Variants in CNTNAP2 observed in about 807,000 individuals in gnomAD.
The protein encoded by CNTNAP2 is contactin associated protein 2.
Under a neutral mutation model 155.2 loss-of-function variants are expected in CNTNAP2, and 98 were observed. The ratio of observed to expected loss-of-function variants is 0.63; its 90% CI spans 0.54 to 0.75. CNTNAP2 has a LOEUF of 0.75. Among genes scored for constraint, CNTNAP2 ranks in the 30% least tolerant of loss-of-function variants. CNTNAP2 has a pLI of 0.00. For missense variants in CNTNAP2, 1,727 were observed against 1,688.1 expected, an observed-to-expected ratio of 1.02 and a Z score of -0.40; for synonymous variants, 651 against 631.2, an observed-to-expected ratio of 1.03 and a Z score of -0.47.
intron 1 of CNTNAP2, among the ~76,000 whole-genome samples, chr7:146,164,834 TC>T (rs1411879949): frequency 1.3e-5 from 2 of 152,214 alleles, no homozygotes; most frequent in Non-Finnish European, 2.9e-5. Flanking sequence ...TGTTTAGATC[TC>T]ATCTTTCTGG....
intron 15 of CNTNAP2, among the ~76,000 whole-genome samples, chr7:148,030,079 G>A (rs1306504451): frequency 1.3e-5 from 2 of 152,304 alleles, no homozygotes; most frequent in South Asian, 2.1e-4. Context: ...CAGGAAAATA[G>A]CATCTTCCAA....
At chr7:148,278,555 G>C (rs1297104828) in intron 21 of CNTNAP2, among the ~76,000 whole-genome samples, 1 of 120,990 alleles carries the variant, frequency 8.3e-6, no homozygotes, top group Non-Finnish European at 1.6e-5. Context: ...GGGCAACAGA[G>C]TGAGACTACA....
chr7:147,322,309 G>A (rs1413454353), intron 9 of CNTNAP2, among the ~76,000 whole-genome samples: 2 of 152,194 alleles, frequency 1.3e-5, no homozygotes, highest in African/African-American at 4.8e-5. Context: ...AGGGGGGAAA[G>A]TAATTATTGA....
chr7:147,673,857 C>T (rs1795826836), intron 13 of CNTNAP2, among the ~76,000 whole-genome samples: 1 of 152,126 alleles, frequency 6.6e-6, no homozygotes, highest in African/African-American at 2.4e-5. Flanking sequence ...ACCTATACTT[C>T]TTTATATCTT....
At chr7:147,866,758 T>TG (rs1276909714) in intron 13 of CNTNAP2, among the ~76,000 whole-genome samples, 3 of 88,114 alleles carry the variant, frequency 3.4e-5, no homozygotes, top group Non-Finnish European at 5.0e-5. Context: ...CTGTTTTTTT[T>TG]TTGTTTTTTG....
At chr7:147,891,207 ATTT>A (rs141774201) in intron 13 of CNTNAP2, among the ~76,000 whole-genome samples, 4 of 146,312 alleles carry the variant, frequency 2.7e-5, no homozygotes, top group Non-Finnish European at 4.5e-5. Flanking sequence ...CAACAAATAG[ATTT>A]TTTTTTTTTT....
At chr7:147,151,364 TG>T (rs1216984627) in intron 8 of CNTNAP2, among the ~76,000 whole-genome samples, 1 of 152,098 alleles carries the variant, frequency 6.6e-6, no homozygotes, top group African/African-American at 2.4e-5. Flanking sequence ...TCTTTTGTAA[TG>T]TTAGGCTGTG....
At chr7:147,828,118 A>T (rs1431038311) in intron 13 of CNTNAP2, among the ~76,000 whole-genome samples, 1 of 152,214 alleles carries the variant, frequency 6.6e-6, no homozygotes, top group Non-Finnish European at 1.5e-5. Flanking sequence ...GGGTGAATGT[A>T]GTATACTTAT....
At position 148,415,925 on chromosome 7, in the gene CNTNAP2, G is replaced by A. The variant is rs1799977618; in HGVS notation, c.*309G>A. 1 of 420,866 alleles carries A rather than the reference G, an allele frequency of 2.4e-6. No individual in the cohort carries two copies. The highest frequency in any genetic ancestry group is 4.2e-6 in the Non-Finnish European group (1 of 236,246). The allele number at this position is 420,866 out of a possible 1,614,324, so 26.1% of individuals were successfully genotyped here. A position where few individuals can be genotyped will look rare whatever the true frequency, so the allele number is the denominator to read the frequency against. On this transcript the variant is annotated 3_prime_UTR_variant, in exon 24 of 24. Coordinates refer to ENST00000361727, the MANE Select transcript of CNTNAP2 (RefSeq NM_014141.6). Reference sequence around the variant, plus strand: ...TGTCTTATTTTGTGTGTGTTTAGAGGTGTTCTAAAGACCCGTGGTAACAGG... The same window carrying A: ...TGTCTTATTTTGTGTGTGTTTAGAGATGTTCTAAAGACCCGTGGTAACAGG...
intron 11 of CNTNAP2, among the ~76,000 whole-genome samples, chr7:147,538,142 A>G (rs1428430307): frequency 6.6e-6 from 1 of 152,226 alleles, no homozygotes; most frequent in East Asian, 1.9e-4. Flanking sequence ...AAGACAGAAG[A>G]AACTAAACGT....
intron 21 of CNTNAP2, among the ~76,000 whole-genome samples, chr7:148,269,461 TCA>T (rs1796736118): frequency 6.6e-6 from 1 of 152,188 alleles, no homozygotes; most frequent in African/African-American, 2.4e-5. Flanking sequence ...CTTTGTGACA[TCA>T]CATGTTACAC....
At chr7:146,986,894 GT>G (rs942453350) in intron 3 of CNTNAP2, among the ~76,000 whole-genome samples, 16 of 151,700 alleles carry the variant, frequency 1.1e-4, no homozygotes, top group African/African-American at 3.9e-4. Flanking sequence ...TAATAAAATA[GT>G]TTTTTTCTTT....
At chr7:148,131,973 A>G (rs1463690159) in intron 16 of CNTNAP2, among the ~76,000 whole-genome samples, 3 of 152,252 alleles carry the variant, frequency 2.0e-5, no homozygotes, top group Non-Finnish European at 2.9e-5. Flanking sequence ...AAAGACAACT[A>G]TAAGTAAAAC....
chr7:146,743,588 ATG>A (rs995229971), intron 1 of CNTNAP2, among the ~76,000 whole-genome samples: 13 of 150,708 alleles, frequency 8.6e-5, no homozygotes, highest in Admixed American at 3.3e-4. Context: ...TTTTTTTTTA[ATG>A]TGTCTTAAGT....
intron 8 of CNTNAP2, among the ~76,000 whole-genome samples, chr7:147,253,895 T>C (rs1229609970): frequency 6.6e-6 from 1 of 152,204 alleles, no homozygotes; most frequent in Non-Finnish European, 1.5e-5. Context: ...CTTAATCTTC[T>C]ATGGCATCAG....
intron 11 of CNTNAP2, among the ~76,000 whole-genome samples, chr7:147,552,150 G>A (rs1214453306): frequency 1.3e-5 from 2 of 152,102 alleles, no homozygotes; most frequent in Non-Finnish European, 2.9e-5. Flanking sequence ...GTCCTTCTAT[G>A]GCCTTCAGTT....
At chr7:146,706,722 C>T (rs1173200283) in intron 1 of CNTNAP2, among the ~76,000 whole-genome samples, 2 of 151,994 alleles carry the variant, frequency 1.3e-5, no homozygotes, top group Non-Finnish European at 2.9e-5. Context: ...ATGATGAGAA[C>T]ACATGGACAC....
intron 1 of CNTNAP2, among the ~76,000 whole-genome samples, chr7:146,699,627 T>A (rs569314646): frequency 1.3e-4 from 20 of 152,062 alleles, no homozygotes; most frequent in African/African-American, 4.8e-4. Flanking sequence ...CTCAGTCCAT[T>A]GGGCTGTAGT....
At chr7:147,290,833 T>C (rs1043178616) in intron 8 of CNTNAP2, among the ~76,000 whole-genome samples, 5 of 152,122 alleles carry the variant, frequency 3.3e-5, no homozygotes, top group African/African-American at 4.8e-5. Flanking sequence ...AGGACCACTC[T>C]GTACATGCAT....
Sources: allele counts gnomAD v4.1 joint callset (sites outside exome capture counted in the v4.1 genomes callset), GRCh38; gene constraint gnomAD v4.1.1; transcripts MANE v1.5; gene names NCBI Gene and HGNC (gene_info 2026-07-23, HGNC 2026-07-21).